Variants in BMX observed in about 807,000 individuals in gnomAD.
BMX encodes the protein cytoplasmic tyrosine-protein kinase BMX.
In BMX, 31 loss-of-function variants were observed where a neutral mutation model predicts 59.2. The observed-to-expected ratio is 0.52, with a 90% CI of 0.39 to 0.71. The LOEUF is 0.71. Ranked by LOEUF, BMX falls within the 30% of genes least tolerant of loss-of-function variation. The pLI, the probability that BMX is intolerant of heterozygous loss-of-function variation, is 0.00. For synonymous variants in BMX, 185 were observed against 181.0 expected (o/e 1.02, Z -0.18); for missense variants, 474 against 491.7 (o/e 0.96, Z 0.34).
chrX:15,500,896 C>CA lies in BMX; in HGVS notation c.-52dup, dbSNP rs1923547134. On this transcript the variant is annotated 5_prime_UTR_variant, in exon 1 of 19. Coordinates refer to ENST00000348343, the MANE Select transcript of BMX (RefSeq NM_203281.3). Reference sequence around the variant, plus strand: ...GGGCCGTGTTCCTGCAACAGCAGACCAAGCACCGCGGCGGACCCAGGCAAG... The same window carrying CA: ...GGGCCGTGTTCCTGCAACAGCAGACCAAAGCACCGCGGCGGACCCAGGCAAG... The CA allele has an allele frequency of 1.3e-6, 1 of 752,108 alleles. No individual in the cohort carries two copies. Among genetic ancestry groups the CA allele is most frequent in the African/African-American group, 2.3e-5 (1 of 42,997 alleles). 62.0% of individuals were successfully genotyped at this position (752,108 alleles called of 1,213,427 possible).
Position 15,537,394 on chromosome X carries a change from G to C in BMX, c.1394+89G>C, listed in dbSNP as rs764006089. 25 of 974,800 alleles carry C rather than the reference G, an allele frequency of 2.6e-5. No individual in the cohort carries two copies. The East Asian group carries it at 7.2e-4, about 28-fold the overall frequency. 80.3% of individuals were successfully genotyped at this position (974,800 alleles called of 1,213,427 possible). A position where few individuals can be genotyped will look rare whatever the true frequency, so the allele number is the denominator to read the frequency against. ...CCTGCTGTTAACTTTGCAAGGCCTA[G>C]AGCAAAAGTCCACATACTGTATCAT... On this transcript the variant is annotated intron_variant, in intron 14 of 18. Coordinates refer to ENST00000348343, the MANE Select transcript of BMX (RefSeq NM_203281.3).
chrX:15,528,234 C>A (rs771154129), intron 9 of BMX, among the ~76,000 whole-genome samples: 22 of 112,325 alleles, frequency 2.0e-4, no homozygotes, highest in Admixed American at 1.3e-3. Context: ...GTGCTTAATG[C>A]TCCCAGCTTC....
At position 15,509,620 on chromosome X, in the gene BMX, G is replaced by A. The variant is rs1602324977; in HGVS notation, c.243+187G>A. ...ACCAATCTGCCTTCCCTGGAGGGAAGGGAAGGGAAGCAAGACAGGAGCGTA... is the reference window on the plus strand; with the variant it reads ...ACCAATCTGCCTTCCCTGGAGGGAAAGGAAGGGAAGCAAGACAGGAGCGTA... On this transcript the variant is annotated intron_variant, in intron 3 of 18. Coordinates refer to ENST00000348343, the MANE Select transcript of BMX (RefSeq NM_203281.3). 3.6e-5 allele frequency among the ~76,000 whole-genome samples: 4 copies of A among 111,231 alleles called. No individual in the cohort carries two copies. In the Admixed American group the frequency reaches 3.8e-4, roughly 11 times the overall value.
chrX:15,530,831 C>T, intron 10 of BMX, among the ~76,000 whole-genome samples: 1 of 111,943 alleles, frequency 8.9e-6, no homozygotes, highest in Admixed American at 9.4e-5. Flanking sequence ...AAACATTACA[C>T]TTATTTCTTT....
Position 15,549,916 on chromosome X carries a change from G to A in BMX, c.1872G>A (p.Lys624=). ...ATGACAACTCCCAGGTGGTTCTGAA[G>A]GTCTCCCAGGGCCACAGGCTTTACC... ...DLYDNSQVVL[K]VSQGHRLYRP... is the part of the protein sequence containing the mutation. Residue 624 remains lysine, a synonymous_variant, in exon 18 of 19, where the codon AAG becomes AAA. Transcript: ENST00000348343. The A allele has an allele frequency of 8.3e-7, 1 of 1,210,068 alleles. No homozygotes were observed. The highest frequency in any genetic ancestry group is 1.1e-6 in the Non-Finnish European group (1 of 894,759).
chrX:15,530,176 C>T, intron 10 of BMX, 149 bp downstream of exon 10: 1 of 492,275 alleles, frequency 2.0e-6, no homozygotes, highest in Non-Finnish European at 3.4e-6. Context: ...TTGCCCGACT[C>T]TTCATGTCTA....
chrX:15,534,786 A>T (rs1190551393), intron 12 of BMX, among the ~76,000 whole-genome samples: 1 of 111,500 alleles, frequency 9.0e-6, no homozygotes. Context: ...ACATTTTTAC[A>T]GAGATGAGAT....
In BMX at chrX:15,537,307, T is replaced by C; in HGVS notation, c.1394+2T>C. On this transcript the variant is annotated splice_donor_variant, in intron 14 of 18. Transcript: ENST00000348343. LOFTEE classifies it high-confidence loss of function. Reference sequence around the variant, plus strand: ...CTTTCAGGAGGCCCAGACTATGATGTAAGTTTTTCCCAAGGAATGGCTGTT... The same window carrying C: ...CTTTCAGGAGGCCCAGACTATGATGCAAGTTTTTCCCAAGGAATGGCTGTT... 2 of 1,210,285 alleles carry C rather than the reference T, an allele frequency of 1.7e-6. No homozygotes were observed. The highest frequency in any genetic ancestry group is 3.0e-5 in the East Asian group (1 of 33,786).
intron 4 of BMX, among the ~76,000 whole-genome samples, chrX:15,512,684 C>A (rs1028332807): frequency 8.9e-6 from 1 of 112,143 alleles, no homozygotes; most frequent in African/African-American, 3.2e-5. Flanking sequence ...TAATCCTGAC[C>A]TGTCAAATAG....
chrX:15,514,523 A>C (rs1475111634), intron 4 of BMX, among the ~76,000 whole-genome samples: 1 of 111,706 alleles, frequency 9.0e-6, no homozygotes, highest in Non-Finnish European at 1.9e-5. Flanking sequence ...TGGGATCAAC[A>C]TAAGGAAATC....
At chrX:15,529,047 A>T (rs189702162) in intron 9 of BMX, among the ~76,000 whole-genome samples, 45 of 112,108 alleles carry the variant, frequency 4.0e-4, no homozygotes, top group East Asian at 3.6e-3. Flanking sequence ...ATCAAGATCA[A>T]CCCTCTCCCT....
intron 11 of BMX, 96 bp downstream of exon 11, chrX:15,531,503 A>T (rs1925070555): frequency 1.3e-6 from 1 of 744,728 alleles, no homozygotes; most frequent in African/African-American, 2.1e-5. Context: ...ATCATCTTTA[A>T]ACTCTGGAAT....
intron 6 of BMX, 122 bp from the exon 7 acceptor site, chrX:15,522,224 T>G: frequency 1.2e-6 from 1 of 837,939 alleles, no homozygotes; most frequent in South Asian, 2.6e-5. Flanking sequence ...CCTCCCTCCC[T>G]TCCTCCCTCC....
At chrX:15,518,051 G>A (rs1924246108) in intron 6 of BMX, 58 bp downstream of exon 6, 4 of 994,249 alleles carry the variant, frequency 4.0e-6, no homozygotes, top group Non-Finnish European at 4.2e-6. Flanking sequence ...TAAACCAAGA[G>A]TTGCCAGATT....
chrX:15,504,156 C>A (rs950621670), intron 1 of BMX, among the ~76,000 whole-genome samples: 2 of 112,325 alleles, frequency 1.8e-5, no homozygotes, highest in African/African-American at 6.5e-5. Context: ...ACAACTTTTC[C>A]TTCCTTGGAC....
chrX:15,522,661 T>C (rs1056971644), intron 7 of BMX, 74 bp downstream of exon 7: 32 of 1,153,795 alleles, frequency 2.8e-5, no homozygotes, highest in Non-Finnish European at 3.6e-5. Context: ...GACCTCAGCC[T>C]CAAAGCTGTT....
chrX:15,510,932 G>A (rs928466016), intron 3 of BMX, among the ~76,000 whole-genome samples: 14 of 111,975 alleles, frequency 1.3e-4, no homozygotes, highest in Non-Finnish European at 1.7e-4. Flanking sequence ...ATAGATGAAA[G>A]TAACAGGGAA....
chrX:15,545,022 G>A (rs1227955375), intron 16 of BMX, among the ~76,000 whole-genome samples: 1 of 111,252 alleles, frequency 9.0e-6, no homozygotes, highest in Non-Finnish European at 1.9e-5. Flanking sequence ...TGTTTTTGTT[G>A]TGGTTTTTGT....
At chrX:15,501,014 G>T (rs1239103417) in intron 1 of BMX, 74 bp downstream of exon 1, 1 of 729,395 alleles carries the variant, frequency 1.4e-6, no homozygotes, top group East Asian at 1.5e-4. Flanking sequence ...CGGTGTTGTG[G>T]GGCCTGAAGT....
Sources: gnomAD v4.1 joint callset for allele counts (sites outside exome capture counted in the v4.1 genomes callset) on GRCh38, gnomAD v4.1.1 for gene constraint, MANE v1.5 for transcripts, NCBI Gene and HGNC (gene_info 2026-07-23, HGNC 2026-07-21) for gene names.